The following STIMATE variants were observed in gnomAD, a reference collection of about 807,000 sequenced individuals.
The protein encoded by STIMATE is store-operated calcium entry regulator STIMATE.
Under a neutral mutation model 36.7 loss-of-function variants are expected in STIMATE, and 15 were observed. The observed-to-expected ratio is 0.41, with a 90% confidence interval of 0.27 to 0.63. STIMATE has a LOEUF of 0.63. STIMATE is among the 20% of genes least tolerant of loss of function. The pLI is 0.32. For synonymous variants in STIMATE, 163 were observed against 162.3 expected (o/e 1.00, Z -0.03); for missense variants, 305 against 397.3 (o/e 0.77, Z 1.98).
intron 4 of STIMATE, among the ~76,000 whole-genome samples, chr3:52,846,072 G>A (rs1293183957): frequency 6.6e-6 from 1 of 152,218 alleles, no homozygotes; most frequent in African/African-American, 2.4e-5. Flanking sequence ...ACCCATGCTG[G>A]AGGCCCATGC....
At chr3:52,876,215 C>A (rs193218718) in intron 1 of STIMATE, among the ~76,000 whole-genome samples, 6 of 152,288 alleles carry the variant, frequency 3.9e-5, no homozygotes, top group African/African-American at 1.4e-4. Flanking sequence ...ATGCTCAGAG[C>A]AGTTAAGGAA....
At chr3:52,860,002 C>G (rs1241429532) in intron 1 of STIMATE, among the ~76,000 whole-genome samples, 1 of 151,238 alleles carries the variant, frequency 6.6e-6, no homozygotes, top group African/African-American at 2.4e-5. Flanking sequence ...TGTGGGGCTC[C>G]TGCCTCCTTC....
chr3:52,863,305 C>T (rs1406711130), intron 1 of STIMATE, among the ~76,000 whole-genome samples: 1 of 152,030 alleles, frequency 6.6e-6, no homozygotes, highest in Non-Finnish European at 1.5e-5. Flanking sequence ...AGGCAAAAGG[C>T]ACTTCTTACA....
chr3:52,881,202 T>C (rs570784679), intron 1 of STIMATE, among the ~76,000 whole-genome samples: 300 of 146,180 alleles, frequency 2.1e-3, no homozygotes, highest in African/African-American at 7.2e-3. Context: ...GAAACTCTTG[T>C]CTCAAAAAAA....
chr3:52,841,530 G>A (rs11718060), intron 7 of STIMATE, among the ~76,000 whole-genome samples: 15,297 of 152,246 alleles, frequency 0.1, 1,007 homozygotes, highest in Non-Finnish European at 0.15. Context: ...AACCACCTAG[G>A]TTGGGATCAG....
intron 1 of STIMATE, among the ~76,000 whole-genome samples, chr3:52,889,387 C>T (rs1701745101): frequency 6.6e-6 from 1 of 152,206 alleles, no homozygotes; most frequent in Non-Finnish European, 1.5e-5. Flanking sequence ...GAAAGTATCT[C>T]TACCTTCTCC....
chr3:52,869,018 C>T (rs1312554600), intron 1 of STIMATE, among the ~76,000 whole-genome samples: 4 of 152,084 alleles, frequency 2.6e-5, no homozygotes, highest in Non-Finnish European at 5.9e-5. Flanking sequence ...TTGCCATTGC[C>T]AAAATGGCAC....
At chr3:52,855,284 C>G in intron 2 of STIMATE, 112 bp downstream of exon 2, 1 of 1,289,706 alleles carries the variant, frequency 7.8e-7, no homozygotes, top group Non-Finnish European at 1.1e-6. Flanking sequence ...TATTATGTAT[C>G]ATTTCTCACA....
intron 7 of STIMATE, 49 bp from the exon 8 acceptor site, chr3:52,840,659 T>TTCATTTG (rs762842569): frequency 6.4e-7 from 1 of 1,569,812 alleles, no homozygotes; most frequent in African/African-American, 1.4e-5. Flanking sequence ...CAGGGCCTTC[T>TTCATTTG]TCATTTGCCC....
chr3:52,892,845 C>T (rs1701804052), intron 1 of STIMATE, among the ~76,000 whole-genome samples: 1 of 152,166 alleles, frequency 6.6e-6, no homozygotes, highest in South Asian at 2.1e-4. Context: ...GTGGAATGTA[C>T]ATGAAACATA....
At chr3:52,890,106 G>A (rs1016116891) in intron 1 of STIMATE, among the ~76,000 whole-genome samples, 8 of 152,108 alleles carry the variant, frequency 5.3e-5, no homozygotes, top group Admixed American at 2.6e-4. Flanking sequence ...GTCCCCAGGC[G>A]GAACCCCTCA....
chr3:52,859,169 AAT>A (rs1174687765), intron 1 of STIMATE, among the ~76,000 whole-genome samples: 4 of 147,594 alleles, frequency 2.7e-5, no homozygotes, highest in Non-Finnish European at 3.0e-5. Flanking sequence ...TCTCAAAAAA[AAT>A]AAAATAAATA....
rs1242660676 is a variant in STIMATE at position 52,840,287 on chromosome 3, A to G, written c.*207T>C. The G allele has an allele frequency of 7.5e-6, 4 of 531,062 alleles. No homozygotes were observed. The African/African-American group carries it at 7.7e-5, about 10-fold the overall frequency. The allele number at this position is 531,062 out of a possible 1,614,324, so 32.9% of individuals were successfully genotyped here. On this transcript the variant is annotated 3_prime_UTR_variant, in exon 8 of 8. Coordinates refer to ENST00000355083, the MANE Select transcript of STIMATE (RefSeq NM_198563.5). ...GTAGTGCAACTGAATGGGGACCTCC[A>G]GCCGCCAGTGGCCCCCTCGGGCGCT... is the stretch of plus-strand genomic sequence containing the variant.
At chr3:52,883,662 T>G (rs141486560) in intron 1 of STIMATE, among the ~76,000 whole-genome samples, 1 of 152,340 alleles carries the variant, frequency 6.6e-6, no homozygotes, top group African/African-American at 2.4e-5. Flanking sequence ...CACTTTAATT[T>G]ATAAAGCTCT....
intron 5 of STIMATE, 90 bp from the exon 6 acceptor site, chr3:52,843,888 G>C: frequency 6.4e-7 from 1 of 1,565,996 alleles, no homozygotes; most frequent in Non-Finnish European, 8.7e-7. Context: ...CCCTGAGGGA[G>C]CCTTAGCTTA....
intron 7 of STIMATE, among the ~76,000 whole-genome samples, chr3:52,841,111 C>T (rs1378613132): frequency 6.6e-6 from 1 of 152,230 alleles, no homozygotes; most frequent in Non-Finnish European, 1.5e-5. Context: ...TCATGGGCTA[C>T]TGAAGCCAGC....
chr3:52,870,128 G>A (rs909972987), intron 1 of STIMATE, among the ~76,000 whole-genome samples: 7 of 152,116 alleles, frequency 4.6e-5, no homozygotes, highest in African/African-American at 9.7e-5. Context: ...CATCATGCCC[G>A]GTTAATTTTT....
intron 4 of STIMATE, among the ~76,000 whole-genome samples, chr3:52,845,517 C>T (rs922094679): frequency 5.5e-4 from 84 of 152,200 alleles, no homozygotes; most frequent in Non-Finnish European, 1.3e-4. Flanking sequence ...ACCTGTCCAG[C>T]ATGGGTCACC....
rs1370136944 is a variant in STIMATE at position 52,897,434 on chromosome 3, C to G, written c.17G>C (p.Gly6Ala). ...GCCTGGCAGTCCCCGGCTCGCGTTCCCGGCGGGGCCCTGCATGACAGGCCT... is the reference window on the plus strand; with the variant it reads ...GCCTGGCAGTCCCCGGCTCGCGTTCGCGGCGGGGCCCTGCATGACAGGCCT... The part of the protein sequence containing the change: MQGPA[G>A]NASRGLPGGP... The change falls in exon 1 of 8, where the codon GGG becomes GCG. Residue 6 changes from glycine (G) to alanine (A), a missense_variant. Transcript: ENST00000355083. 1.4e-6 allele frequency: 2 copies of G among 1,430,446 alleles called. No individual in the cohort carries two copies. Among genetic ancestry groups the G allele is most frequent in the Non-Finnish European group, 1.8e-6 (2 of 1,100,020 alleles). The allele number at this position is 1,430,446 out of a possible 1,614,324, so 88.6% of individuals were successfully genotyped here. A position where few individuals can be genotyped will look rare whatever the true frequency, so the allele number is the denominator to read the frequency against.
Sources: allele counts gnomAD v4.1 joint callset (sites outside exome capture counted in the v4.1 genomes callset), GRCh38; gene constraint gnomAD v4.1.1; transcripts MANE v1.5; gene names NCBI Gene and HGNC (gene_info 2026-07-23, HGNC 2026-07-21).